The following CUX2 variants were observed in gnomAD, a reference collection of about 807,000 sequenced individuals.
CUX2 encodes the protein cut like homeobox 2.
A neutral mutation model predicts 144.8 loss-of-function variants in CUX2; 40 were observed. The observed-to-expected ratio is 0.28, with a 90% CI of 0.21 to 0.36. The LOEUF (loss-of-function observed/expected upper bound fraction) is 0.36. Among genes scored for constraint, CUX2 ranks in the 10% least tolerant of loss-of-function variants. The probability of loss-of-function intolerance (pLI) is 1.00; values close to 1 mark genes in which losing one functional copy is unlikely to be tolerated. For missense variants in CUX2, 1,615 were observed against 1,994.0 expected (o/e 0.81, Z 3.62); for synonymous variants, 827 against 875.6 (o/e 0.94, Z 0.98).
intron 18 of CUX2, 118 bp from the exon 19 acceptor site, chr12:111,334,323 T>C (rs1888245650): frequency 1.8e-6 from 2 of 1,092,792 alleles, no homozygotes; most frequent in Non-Finnish European, 2.6e-6. Context: ...CGATTATTAC[T>C]ACAGTGGTTG....
rs543003932 is a variant in CUX2, at chr12:111,082,289, A to G, written c.63+48049A>G. Among the ~76,000 whole-genome samples the G allele has an allele frequency of 1.1e-4, 17 of 152,270 alleles. No individual in the cohort carries two copies. The East Asian group carries it at 3.3e-3, about 29-fold the overall frequency. On this transcript the variant is annotated intron_variant, in intron 1 of 21. Coordinates refer to ENST00000261726, the MANE Select transcript of CUX2 (RefSeq NM_015267.4). ...AGCGGGAGAGAGAGAGAAGGGAGAA[A>G]GTGGAAAATCACAATATATTGGAAG... is the stretch of plus-strand genomic sequence containing the variant.
At chr12:111,058,715 C>T (rs879885939) in intron 1 of CUX2, among the ~76,000 whole-genome samples, 6 of 152,046 alleles carry the variant, frequency 3.9e-5, no homozygotes, top group Admixed American at 3.9e-4. Context: ...GGGTCCCGAG[C>T]GAGACCCCAA....
At chr12:111,318,125 G>C (rs1887288454) in intron 16 of CUX2, among the ~76,000 whole-genome samples, 3 of 151,952 alleles carry the variant, frequency 2.0e-5, no homozygotes, top group Non-Finnish European at 4.4e-5. Flanking sequence ...CCAGGCTGGA[G>C]TGCAGTGGTG....
At chr12:111,072,175 A>G (rs1948220721) in intron 1 of CUX2, among the ~76,000 whole-genome samples, 1 of 152,184 alleles carries the variant, frequency 6.6e-6, no homozygotes, top group South Asian at 2.1e-4. Context: ...TTTAACTGGG[A>G]TTGCACTGAG....
chr12:111,266,187 A>G lies in CUX2; in HGVS notation c.301+2348A>G, dbSNP rs530216354. Among the ~76,000 whole-genome samples the G allele has an allele frequency of 2.0e-3, 308 of 152,296 alleles. 3 individuals carry two copies. Among genetic ancestry groups the G allele is most frequent in the African/African-American group, 7.1e-3 (294 of 41,568 alleles). On this transcript the variant is annotated intron_variant, in intron 4 of 21. Coordinates refer to ENST00000261726, the MANE Select transcript of CUX2 (RefSeq NM_015267.4). ...AAATCCAATGACTGGTGTTGTAAGA[A>G]GTATGGGGCCAGGCACAGTGGCTCA...
At chr12:111,132,421 C>T (rs1288412853) in intron 1 of CUX2, among the ~76,000 whole-genome samples, 2 of 152,160 alleles carry the variant, frequency 1.3e-5, no homozygotes, top group Non-Finnish European at 2.9e-5. Flanking sequence ...CCCCCATGGG[C>T]TTGGGGATTA....
chr12:111,216,305 C>T (rs2136227350), intron 2 of CUX2, among the ~76,000 whole-genome samples: 1 of 152,320 alleles, frequency 6.6e-6, no homozygotes, highest in African/African-American at 2.4e-5. Flanking sequence ...CTTGGGACCT[C>T]AGTTTCCCCT....
chr12:111,185,083 A>G (rs1429652197), intron 1 of CUX2, among the ~76,000 whole-genome samples: 1 of 152,228 alleles, frequency 6.6e-6, no homozygotes, highest in African/African-American at 2.4e-5. Flanking sequence ...GGCACATTGC[A>G]TAACAAGGTA....
chr12:111,173,470 C>T (rs1418992310), intron 1 of CUX2, among the ~76,000 whole-genome samples: 1 of 152,262 alleles, frequency 6.6e-6, no homozygotes, highest in African/African-American at 2.4e-5. Flanking sequence ...CACCTACTCT[C>T]TTCTAGGCAC....
intron 1 of CUX2, among the ~76,000 whole-genome samples, chr12:111,109,423 C>T (rs940406566): frequency 8.5e-5 from 13 of 152,150 alleles, no homozygotes; most frequent in Non-Finnish European, 1.0e-4. Flanking sequence ...GTGTCTTAAT[C>T]CATTTCAGTT....
intron 1 of CUX2, among the ~76,000 whole-genome samples, chr12:111,202,966 T>C (rs1313250116): frequency 6.6e-6 from 1 of 152,048 alleles, no homozygotes; most frequent in Non-Finnish European, 1.5e-5. Context: ...GCACCATGGT[T>C]CACGACTATA....
At chr12:111,188,520 G>A (rs1400420432) in intron 1 of CUX2, among the ~76,000 whole-genome samples, 2 of 152,180 alleles carry the variant, frequency 1.3e-5, no homozygotes, top group Non-Finnish European at 2.9e-5. Flanking sequence ...GCCAGCAGGA[G>A]CCAGTTATAG....
At chr12:111,324,780 G>A (rs1277128024) in intron 18 of CUX2, among the ~76,000 whole-genome samples, 18 of 152,110 alleles carry the variant, frequency 1.2e-4, no homozygotes, top group East Asian at 1.9e-4. Flanking sequence ...GATTACAGGC[G>A]TGAGCCACAG....
chr12:111,178,175 T>C lies in CUX2; in HGVS notation c.64-36025T>C, dbSNP rs754726892. ...TTCCAAGATGATCTATTTTATGTGA[T>C]TCTCACCCCATTAACAGCCTGCAGC... On this transcript the variant is annotated intron_variant, in intron 1 of 21. Coordinates refer to ENST00000261726, the MANE Select transcript of CUX2 (RefSeq NM_015267.4). The surrounding 1 kb of genome is among the most constrained non-coding windows in gnomAD (Gnocchi z 5.7). Among the ~76,000 whole-genome samples the C allele has an allele frequency of 3.3e-5, 5 of 152,222 alleles. No homozygotes were observed. The highest frequency in any genetic ancestry group is 7.3e-5 in the Non-Finnish European group (5 of 68,028).
rs1196607634 is a variant in CUX2 at position 111,171,209 on chromosome 12, G to T, written c.64-42991G>T. On this transcript the variant is annotated intron_variant, in intron 1 of 21. Transcript: ENST00000261726. The surrounding 1 kb of genome is among the most constrained non-coding windows in gnomAD (Gnocchi z 5.0). ...CCCCCAGTCTGATGGACGGGGTGCA[G>T]AGTATGGAAGGAAAGCCTCGAGTTT... Among the ~76,000 whole-genome samples the T allele has an allele frequency of 6.6e-6, 1 of 152,154 alleles. No homozygotes were observed. Among genetic ancestry groups the T allele is most frequent in the Non-Finnish European group, 1.5e-5 (1 of 68,012 alleles).
chr12:111,258,261 C>T (rs1214609812), intron 3 of CUX2, among the ~76,000 whole-genome samples: 1 of 152,160 alleles, frequency 6.6e-6, no homozygotes, highest in Non-Finnish European at 1.5e-5. Flanking sequence ...GCGTGTAATC[C>T]CAGCACCTTG....
intron 1 of CUX2, among the ~76,000 whole-genome samples, chr12:111,067,939 C>T (rs750289192): frequency 6.6e-6 from 1 of 152,192 alleles, no homozygotes; most frequent in Non-Finnish European, 1.5e-5. Context: ...AGAGCTTCAG[C>T]AGATGTGGAA....
chr12:111,086,040 C>T (rs959058509), intron 1 of CUX2, among the ~76,000 whole-genome samples: 1 of 152,200 alleles, frequency 6.6e-6, no homozygotes, highest in Non-Finnish European at 1.5e-5. Flanking sequence ...CAGGCCTGAT[C>T]CAGGAGCATA....
At chr12:111,063,904 C>T (rs542250404) in intron 1 of CUX2, among the ~76,000 whole-genome samples, 2 of 152,256 alleles carry the variant, frequency 1.3e-5, no homozygotes, top group East Asian at 1.9e-4. Flanking sequence ...TGTGTGTTTA[C>T]GCTGTCGAGG....
Sources: gnomAD v4.1 joint callset for allele counts (sites outside exome capture counted in the v4.1 genomes callset) on GRCh38, gnomAD v4.1.1 for gene constraint, Gnocchi (gnomAD v3.1) non-coding constraint, MANE v1.5 for transcripts, NCBI Gene and HGNC (gene_info 2026-07-23, HGNC 2026-07-21) for gene names.